FUT8: variants seen among roughly 807,000 people sequenced by gnomAD.
The protein encoded by FUT8 is fucosyltransferase 8.
A neutral mutation model predicts 71.3 loss-of-function variants in FUT8; 29 were observed. The ratio of observed to expected loss-of-function variants is 0.41; its 90% CI spans 0.30 to 0.55. FUT8 has a LOEUF of 0.55. FUT8 is among the 20% of genes least tolerant of loss of function. FUT8 has a pLI of 0.34. For missense variants in FUT8, 544 were observed against 702.1 expected, an observed-to-expected ratio of 0.77 and a Z score of 2.55; for synonymous variants, 254 against 239.3, an observed-to-expected ratio of 1.06 and a Z score of -0.57.
At chr14:65,730,229 A>G (rs1470374254) in intron 9 of FUT8, among the ~76,000 whole-genome samples, 1 of 152,332 alleles carries the variant, frequency 6.6e-6, no homozygotes, top group Non-Finnish European at 1.5e-5. Context: ...AGTCAGAGGT[A>G]TAGTGTTGAC....
At chr14:65,586,318 T>G (rs1379831209) in intron 3 of FUT8, among the ~76,000 whole-genome samples, 1 of 152,184 alleles carries the variant, frequency 6.6e-6, no homozygotes, top group African/African-American at 2.4e-5. Flanking sequence ...TTTACATTTC[T>G]GAAATAAAGA....
chr14:65,564,253 A>T (rs911462758), intron 3 of FUT8, among the ~76,000 whole-genome samples: 2 of 152,072 alleles, frequency 1.3e-5, no homozygotes, highest in Non-Finnish European at 2.9e-5. Context: ...ACTACAAAAG[A>T]TTAATTCAGA....
At chr14:65,555,696 C>A (rs1885549872) in intron 2 of FUT8, among the ~76,000 whole-genome samples, 2 of 152,190 alleles carry the variant, frequency 1.3e-5, no homozygotes, top group African/African-American at 2.4e-5. Context: ...TGTTAATTTT[C>A]TCTCAGACAT....
chr14:65,569,498 TCA>T (rs1444782649), intron 3 of FUT8, among the ~76,000 whole-genome samples: 2 of 151,884 alleles, frequency 1.3e-5, no homozygotes, highest in Admixed American at 6.6e-5. Context: ...GTGCCGTTAA[TCA>T]CACACAGTTA....
At chr14:65,382,339 AT>A in the FUT8 span, among the ~76,000 whole-genome samples, 1 of 151,836 alleles carries the variant, frequency 6.6e-6, no homozygotes, top group Non-Finnish European at 1.5e-5. Context: ...ATATCTACTG[AT>A]TTTTCTTTAT....
intron 6 of FUT8, among the ~76,000 whole-genome samples, chr14:65,650,976 C>A (rs180799674): frequency 6.6e-6 from 1 of 152,254 alleles, no homozygotes; most frequent in African/African-American, 2.4e-5. Context: ...AATGAGGGTG[C>A]CCCTCCCACT....
chr14:65,513,470 G>A (rs1245242757), intron 2 of FUT8, among the ~76,000 whole-genome samples: 3 of 151,862 alleles, frequency 2.0e-5, no homozygotes, highest in Non-Finnish European at 4.4e-5. Flanking sequence ...GTTAAGATAG[G>A]AAATGACAGT....
In FUT8 at chr14:65,569,759, T is replaced by A. The variant is rs75034574; in HGVS notation, c.203+7993T>A. 6.2e-3 allele frequency among the ~76,000 whole-genome samples: 947 copies of A among 152,072 alleles called. 11 individuals carry two copies. Among genetic ancestry groups the A allele is most frequent in the East Asian group, 0.036 (184 of 5,182 alleles). ...TCTGCCTCTTTGCATGTCTAGTGATTTTAAATTTAATATATTGTGTATAAA... is the reference window on the plus strand; with the variant it reads ...TCTGCCTCTTTGCATGTCTAGTGATATTAAATTTAATATATTGTGTATAAA... On this transcript the variant is annotated intron_variant, in intron 3 of 10. Transcript: ENST00000673929.
At chr14:65,670,853 CT>C (rs1305145382) in intron 7 of FUT8, among the ~76,000 whole-genome samples, 1 of 152,110 alleles carries the variant, frequency 6.6e-6, no homozygotes, top group Non-Finnish European at 1.5e-5. Flanking sequence ...GTTTTGTCTT[CT>C]GTAGGGTGTT....
chr14:65,626,716 A>G (rs1332479678), intron 5 of FUT8, among the ~76,000 whole-genome samples: 3 of 152,202 alleles, frequency 2.0e-5, no homozygotes, highest in Non-Finnish European at 4.4e-5. Flanking sequence ...ATTGTAATAC[A>G]TCAGTTTTCT....
intron 7 of FUT8, among the ~76,000 whole-genome samples, chr14:65,673,613 C>G (rs1325622473): frequency 6.6e-6 from 1 of 152,152 alleles, no homozygotes; most frequent in African/African-American, 2.4e-5. Flanking sequence ...AAAAGACAGG[C>G]AAGAGAACAT....
At chr14:65,541,858 T>G (rs933471105) in intron 2 of FUT8, among the ~76,000 whole-genome samples, 1 of 152,206 alleles carries the variant, frequency 6.6e-6, no homozygotes, top group Non-Finnish European at 1.5e-5. Flanking sequence ...AAAATAATTG[T>G]GGGGTTGCCT....
chr14:65,593,240 A>G (rs1177181481), intron 3 of FUT8, among the ~76,000 whole-genome samples: 2 of 152,204 alleles, frequency 1.3e-5, no homozygotes, highest in Admixed American at 6.5e-5. Context: ...TTTATGTGTC[A>G]ATACTTGTAT....
intron 3 of FUT8, among the ~76,000 whole-genome samples, chr14:65,583,867 C>T (rs187951615): frequency 3.4e-4 from 51 of 152,152 alleles, no homozygotes; most frequent in Middle Eastern, 3.4e-3. Context: ...TCCGAATTAG[C>T]CAGCTAAGAG....
At chr14:65,492,943 T>C (rs1376717820) in intron 2 of FUT8, among the ~76,000 whole-genome samples, 4 of 151,960 alleles carry the variant, frequency 2.6e-5, no homozygotes, top group South Asian at 2.1e-4. Flanking sequence ...TCTCCTCCCC[T>C]TTATCTCCCC....
intron 3 of FUT8, among the ~76,000 whole-genome samples, chr14:65,593,823 G>A (rs1225432111): frequency 6.6e-6 from 1 of 152,032 alleles, no homozygotes; most frequent in African/African-American, 2.4e-5. Context: ...TGATCCACCT[G>A]CCTTGGCCTC....
At chr14:65,363,271 G>A in the FUT8 span, among the ~76,000 whole-genome samples, 1 of 51,662 alleles carries the variant, frequency 1.9e-5, no homozygotes, top group African/African-American at 3.7e-5. Context: ...ACAGGTGCCC[G>A]CCACCAAGCC....
At chr14:65,537,017 C>A (rs1382230234) in intron 2 of FUT8, among the ~76,000 whole-genome samples, 2 of 87,674 alleles carry the variant, frequency 2.3e-5, no homozygotes, top group Non-Finnish European at 4.5e-5. Flanking sequence ...AGCCAGTCTT[C>A]AAGTTCTATG....
At chr14:65,486,198 TA>T (rs2066407329) in intron 2 of FUT8, among the ~76,000 whole-genome samples, 1 of 152,228 alleles carries the variant, frequency 6.6e-6, no homozygotes, top group Non-Finnish European at 1.5e-5. Flanking sequence ...ATTTTCTTTC[TA>T]AAAAATCCCC....
Sources: gnomAD v4.1 joint callset for allele counts (sites outside exome capture counted in the v4.1 genomes callset) on GRCh38, gnomAD v4.1.1 for gene constraint, MANE v1.5 for transcripts, NCBI Gene and HGNC (gene_info 2026-07-23, HGNC 2026-07-21) for gene names.